Variants in CHODL observed in about 807,000 individuals in gnomAD.
CHODL encodes the protein transmembrane protein MT75.
Under a neutral mutation model 34.5 loss-of-function variants are expected in CHODL, and 29 were observed. The observed-to-expected ratio is 0.84, with a 90% CI of 0.63 to 1.15. The LOEUF is 1.15. CHODL is among the 50% of genes most tolerant of loss of function. CHODL has a pLI of 0.00. For synonymous variants in CHODL, 125 were observed against 116.1 expected, an observed-to-expected ratio of 1.08 and a Z score of -0.49; for missense variants, 332 against 332.5, an observed-to-expected ratio of 1.00 and a Z score of 0.01.
intron 2 of CHODL, among the ~76,000 whole-genome samples, chr21:18,205,762 A>G (rs2073704938): frequency 7.2e-6 from 1 of 138,722 alleles, no homozygotes; most frequent in East Asian, 2.1e-4. Context: ...TTTGAGATAG[A>G]GTCTCACTCT....
At chr21:17,919,226 CT>C (rs1295204528) in intron 1 of CHODL, among the ~76,000 whole-genome samples, 1 of 152,228 alleles carries the variant, frequency 6.6e-6, no homozygotes, top group Non-Finnish European at 1.5e-5. Flanking sequence ...CCCATAGGGA[CT>C]CTGTGTTGGA....
intron 2 of CHODL, among the ~76,000 whole-genome samples, chr21:18,122,471 A>G (rs2065491640): frequency 6.6e-6 from 1 of 152,162 alleles, no homozygotes; most frequent in East Asian, 1.9e-4. Context: ...TGTGTGCTCA[A>G]ATGGCTGATT....
chr21:17,992,727 T>TTG lies in CHODL; in HGVS notation c.-144-35144_-144-35143insGT, dbSNP rs1555848009. ...AGTTTCTGGTGGAGTTGTTTTTTTT[T>TTG]TTTTTTTTTTTTTTTTCCAGACAGA... On this transcript the variant is annotated intron_variant, in intron 1 of 6. Coordinates refer to the CHODL transcript ENST00000400127. 8.3e-5 allele frequency among the ~76,000 whole-genome samples: 7 copies of TTG among 84,356 alleles called. 1 individual carries two copies. In the East Asian group the frequency reaches 1.7e-3, roughly 21 times the overall value. 55.3% of individuals were successfully genotyped at this position (84,356 alleles called of 152,430 possible).
chr21:18,034,274 A>G (rs1390186266), intron 2 of CHODL, among the ~76,000 whole-genome samples: 1 of 152,086 alleles, frequency 6.6e-6, no homozygotes, highest in Non-Finnish European at 1.5e-5. Context: ...GTTAGAAAAC[A>G]TAAGAGTTTC....
At chr21:18,136,605 G>A (rs566982586) in intron 2 of CHODL, among the ~76,000 whole-genome samples, 56 of 151,664 alleles carry the variant, frequency 3.7e-4, no homozygotes, top group Admixed American at 1.8e-3. Flanking sequence ...AGCTTATCCT[G>A]TGGGAGTGTG....
At chr21:18,147,293 C>CT (rs2072903870) in intron 2 of CHODL, among the ~76,000 whole-genome samples, 1 of 152,154 alleles carries the variant, frequency 6.6e-6, no homozygotes, top group African/African-American at 2.4e-5. Flanking sequence ...TGGAAGATTC[C>CT]TGGTCATTGT....
chr21:18,260,855 C>A (rs1443785997), intron 4 of CHODL, among the ~76,000 whole-genome samples: 1 of 151,160 alleles, frequency 6.6e-6, no homozygotes, highest in African/African-American at 2.5e-5. Flanking sequence ...AACAAAAAAA[C>A]ACCACCAACA....
intron 2 of CHODL, among the ~76,000 whole-genome samples, chr21:18,229,771 CA>C (rs1301589297): frequency 6.6e-6 from 1 of 152,100 alleles, no homozygotes; most frequent in African/African-American, 2.4e-5. Flanking sequence ...TCCATCCCCT[CA>C]AAGTTGTACA....
intron 1 of CHODL, among the ~76,000 whole-genome samples, chr21:17,925,894 C>A (rs1286161576): frequency 6.6e-6 from 1 of 152,054 alleles, no homozygotes; most frequent in African/African-American, 2.4e-5. Context: ...TTATAAGTTT[C>A]TTTGAGATGT....
At chr21:17,970,897 C>G (rs1409854272) in intron 1 of CHODL, among the ~76,000 whole-genome samples, 2 of 152,092 alleles carry the variant, frequency 1.3e-5, no homozygotes. Flanking sequence ...CCCCACCCCC[C>G]AACAGGCCCT....
At chr21:17,933,726 C>G (rs960993471) in intron 1 of CHODL, among the ~76,000 whole-genome samples, 1 of 152,100 alleles carries the variant, frequency 6.6e-6, no homozygotes, top group Non-Finnish European at 1.5e-5. Flanking sequence ...AGCTAAACAA[C>G]AGGCCCACAA....
rs1020543040 is a variant in CHODL, at chr21:18,244,999, G to A, written c.-225G>A. The A allele has an allele frequency of 2.0e-5, 9 of 460,862 alleles. No homozygotes were observed. Among genetic ancestry groups the A allele is most frequent in the Non-Finnish European group, 3.4e-5 (9 of 263,548 alleles). 28.5% of individuals were successfully genotyped at this position (460,862 alleles called of 1,614,324 possible). A position where few individuals can be genotyped will look rare whatever the true frequency, so the allele number is the denominator to read the frequency against. On this transcript the variant is annotated 5_prime_UTR_variant, in exon 1 of 6. Coordinates refer to ENST00000299295, the MANE Select transcript of CHODL (RefSeq NM_024944.3). ...TTCAGTCCCCCAAACGCGCACCCTC[G>A]AAGTCTTGAACTCCAGCCCCGCACA...
rs1555879172 is a variant in CHODL at position 18,174,133 on chromosome 21, A to ATATATATATCTTGG, written c.-44-82367_-44-82366insCTTGGTATATATAT. On this transcript the variant is annotated intron_variant, in intron 2 of 6. Transcript: ENST00000400127. ...TATATATATCTTGGTGTATATATATATATATATATATATATATATATATAT... is the reference window on the plus strand; with the variant it reads ...TATATATATCTTGGTGTATATATATATATATATATCTTGGTATATATATATATATATATATATAT... Among the ~76,000 whole-genome samples the ATATATATATCTTGG allele has an allele frequency of 1.7e-4, 3 of 17,840 alleles. 1 individual carries two copies. Among genetic ancestry groups the ATATATATATCTTGG allele is most frequent in the African/African-American group, 3.3e-4 (3 of 9,102 alleles). 11.7% of individuals were successfully genotyped at this position (17,840 alleles called of 152,430 possible).
rs569628545 is a variant in CHODL at position 17,948,928 on chromosome 21, TCAAACC to T, written c.-145+31531_-145+31536del. 3.8e-3 allele frequency among the ~76,000 whole-genome samples: 571 copies of T among 152,260 alleles called. 3 individuals are homozygous for T. Among genetic ancestry groups the T allele is most frequent in the African/African-American group, 0.013 (537 of 41,546 alleles). On this transcript the variant is annotated intron_variant, in intron 1 of 6. Transcript: ENST00000400127. Reference sequence around the variant, plus strand: ...CTACCAGGCCAGCATTATTCTGTTGTCAAACCCAGACAAGGATGCAACAAAAATCAA... The same window carrying T: ...CTACCAGGCCAGCATTATTCTGTTGTCAGACAAGGATGCAACAAAAATCAA...
intron 1 of CHODL, among the ~76,000 whole-genome samples, chr21:17,988,370 GTT>G (rs1203424420): frequency 4.1e-4 from 55 of 132,586 alleles, no homozygotes; most frequent in Non-Finnish European, 7.4e-4. Flanking sequence ...CCTGTGGGAA[GTT>G]TTTTTTTTTT....
At position 18,187,193 on chromosome 21, in the gene CHODL, A is replaced by G. The variant is rs55948467; in HGVS notation, c.-44-69316A>G. On this transcript the variant is annotated intron_variant, in intron 2 of 6. Transcript: ENST00000400127. ...AAATGACATTTCTAGGCTTCATTCA[A>G]ATCTTCATTTTGAGTTTGCCACTCC... 1.9e-3 allele frequency among the ~76,000 whole-genome samples: 293 copies of G among 152,270 alleles called. 2 individuals carry two copies. Among genetic ancestry groups the G allele is most frequent in the African/African-American group, 5.4e-3 (226 of 41,548 alleles).
intron 2 of CHODL, among the ~76,000 whole-genome samples, chr21:18,108,837 T>TTGTG (rs68066729): frequency 0.087 from 12,745 of 146,038 alleles, 575 homozygotes; most frequent in Middle Eastern, 0.28. Context: ...CTTTGCAATG[T>TTGTG]TGTGTGTGTG....
chr21:18,128,166 T>G (rs2072599925), intron 2 of CHODL, among the ~76,000 whole-genome samples: 1 of 150,554 alleles, frequency 6.6e-6, no homozygotes, highest in African/African-American at 2.4e-5. Context: ...CTGGGCGTGG[T>G]GGCGGGCGCC....
rs139603392 is a variant in CHODL at position 18,152,883 on chromosome 21, G to A, written c.-44-103626G>A. On this transcript the variant is annotated intron_variant, in intron 2 of 6. Coordinates refer to the CHODL transcript ENST00000400127. ...TAGACTCCAAATAAATCTTCTGACA[G>A]AAGTTAAGAGAAGGAATAGCCACCA... is the stretch of plus-strand genomic sequence containing the variant. Among the ~76,000 whole-genome samples, 95 of 152,264 alleles carry A rather than the reference G, an allele frequency of 6.2e-4. No homozygotes were observed. In the East Asian group the frequency reaches 0.018, roughly 29 times the overall value.
Sources: gnomAD v4.1 joint callset for allele counts (sites outside exome capture counted in the v4.1 genomes callset) on GRCh38, gnomAD v4.1.1 for gene constraint, MANE v1.5 for transcripts, NCBI Gene and HGNC (gene_info 2026-07-23, HGNC 2026-07-21) for gene names.